Variants in OARD1 observed in about 807,000 individuals in gnomAD.
OARD1 encodes ADP-ribose glycohydrolase OARD1.
A neutral mutation model predicts 19.7 loss-of-function variants in OARD1; 19 were observed. The ratio of observed to expected loss-of-function variants is 0.96; its 90% CI spans 0.67 to 1.41. OARD1 has a LOEUF of 1.41. Ranked by LOEUF, OARD1 falls within the 40% of genes most tolerant of loss-of-function variation. The pLI is 0.00. For missense variants in OARD1, 190 were observed against 183.8 expected, an observed-to-expected ratio of 1.03 and a Z score of -0.20; for synonymous variants, 70 against 61.8, an observed-to-expected ratio of 1.13 and a Z score of -0.62.
intron 1 of OARD1, 63 bp from the exon 2 acceptor site, chr6:41,071,738 C>T: frequency 2.2e-6 from 2 of 895,270 alleles, no homozygotes; most frequent in Non-Finnish European, 3.7e-6. Flanking sequence ...ATTCTGATTG[C>T]CCTGTACAAC....
chr6:41,086,376 T>A (rs908707554), intron 1 of OARD1, among the ~76,000 whole-genome samples: 1 of 152,232 alleles, frequency 6.6e-6, no homozygotes, highest in Non-Finnish European at 1.5e-5. Context: ...ATAAGGAACC[T>A]TCAAATAGTT....
rs1425270583 is a variant in OARD1 at position 41,065,575 on chromosome 6, A to C, written c.*1760T>G. 6.6e-6 allele frequency: 1 copy of C among 152,218 alleles called. No homozygotes were observed. Among genetic ancestry groups the C allele is most frequent in the African/African-American group, 2.4e-5 (1 of 41,466 alleles). 9.4% of individuals were successfully genotyped at this position (152,218 alleles called of 1,614,324 possible). Reference sequence around the variant, plus strand: ...TTTATGTGGACAAAAGCAATGCTTCAAGAAAAGCCTCAATCTAAAAGTTTG... The same window carrying C: ...TTTATGTGGACAAAAGCAATGCTTCCAGAAAAGCCTCAATCTAAAAGTTTG... On this transcript the variant is annotated 3_prime_UTR_variant, in exon 6 of 6. Transcript: ENST00000424266.
In OARD1 at chr6:41,071,254, A is replaced by G. The variant is rs1157777448; in HGVS notation, c.62T>C (p.Leu21Pro). The stretch of plus-strand genomic sequence containing the variant: ...AGAGTCTGTTTTCGGGCATGCAAAA[A>G]GGTCTCCTTTCACATAAGTGATCTA... Reference protein sequence around the residue: ...GSRITYVKGDLFACPKTDSLA... With the variant: ...GSRITYVKGDPFACPKTDSLA... The change falls in exon 3 of 6, where the codon CTT becomes CCT. Residue 21 changes from leucine (L) to proline (P), a missense_variant. By Grantham distance (98) the Leu-to-Pro change is moderately conservative. Transcript: ENST00000424266. The G allele has an allele frequency of 1.2e-6, 2 of 1,614,178 alleles. No homozygotes were observed. The highest frequency in any genetic ancestry group is 2.2e-5 in the South Asian group (2 of 91,076).
intron 1 of OARD1, chr6:41,094,501 G>C (rs1381389598): frequency 6.2e-7 from 1 of 1,607,388 alleles, no homozygotes; most frequent in Non-Finnish European, 8.5e-7. Flanking sequence ...TATGCAGGTA[G>C]GAAGACATAT....
At chr6:41,094,821 C>A (rs1764302839) in intron 1 of OARD1, among the ~76,000 whole-genome samples, 1 of 152,180 alleles carries the variant, frequency 6.6e-6, no homozygotes, top group African/African-American at 2.4e-5. Flanking sequence ...TGCCTGTAGT[C>A]CCAGCTACTT....
intron 3 of OARD1, chr6:41,070,781 G>A: frequency 2.0e-6 from 1 of 489,140 alleles, no homozygotes; most frequent in Admixed American, 3.9e-5. Flanking sequence ...GGTCTGTAAG[G>A]AAGAAGAGGT....
chr6:41,071,053 A>G (rs1435526742), intron 3 of OARD1, 79 bp downstream of exon 3: 1 of 1,390,044 alleles, frequency 7.2e-7, no homozygotes, highest in African/African-American at 1.4e-5. Context: ...CCCTCTTTAC[A>G]CGCATATTTT....
chr6:41,097,228 G>A lies in OARD1; in HGVS notation c.-42+485C>T, dbSNP rs2113827636. On this transcript the variant is annotated intron_variant, in intron 1 of 4. Transcript: ENST00000480585. ...CTTTAAGCCATGTATGCAGACTTAA[G>A]ATGTATTACAAGCCTTTGATTTACT... is the stretch of plus-strand genomic sequence containing the variant. 1.2e-5 allele frequency: 9 copies of A among 775,846 alleles called. No individual in the cohort carries two copies. In the South Asian group the frequency reaches 1.4e-4, roughly 12 times the overall value. 48.1% of individuals were successfully genotyped at this position (775,846 alleles called of 1,614,324 possible).
Position 41,066,510 on chromosome 6 carries a change from T to C in OARD1, c.*825A>G, listed in dbSNP as rs182810319. The C allele has an allele frequency of 4.6e-5, 7 of 152,330 alleles. No homozygotes were observed. In the East Asian group the frequency reaches 1.4e-3, roughly 29 times the overall value. The allele number at this position is 152,330 out of a possible 1,614,324, so 9.4% of individuals were successfully genotyped here. ...GATTTATTGGGTCACTAGTCTGTGC[T>C]AAGTACTCTGCCAGGCATTTAACAT... On this transcript the variant is annotated 3_prime_UTR_variant, in exon 6 of 6. Transcript: ENST00000424266.
At chr6:41,079,378 A>G (rs1049892735) in intron 1 of OARD1, among the ~76,000 whole-genome samples, 10 of 152,166 alleles carry the variant, frequency 6.6e-5, no homozygotes, top group Admixed American at 4.6e-4. Context: ...TGCCTCTTTT[A>G]TCTCATTTTA....
chr6:41,097,416 C>G, intron 1 of OARD1: 1 of 1,613,740 alleles, frequency 6.2e-7, no homozygotes, highest in East Asian at 2.2e-5. Flanking sequence ...CCTAACCCCA[C>G]GCCATGTGAT....
At position 41,071,683 on chromosome 6, in the gene OARD1, A is replaced by G; in HGVS notation, c.-41-8T>C. 1 of 1,528,890 alleles carries G rather than the reference A, an allele frequency of 6.5e-7. No individual in the cohort carries two copies. Among genetic ancestry groups the G allele is most frequent in the Non-Finnish European group, 9.1e-7 (1 of 1,102,238 alleles). The allele number at this position is 1,528,890 out of a possible 1,614,324, so 94.7% of individuals were successfully genotyped here. A position where few individuals can be genotyped will look rare whatever the true frequency, so the allele number is the denominator to read the frequency against. ...ATTTAAGTGTTTCTTCAGCTATGAGAAGGGAAAAGGAAGTAAAAATGCTTA... is the reference window on the plus strand; with the variant it reads ...ATTTAAGTGTTTCTTCAGCTATGAGGAGGGAAAAGGAAGTAAAAATGCTTA... On this transcript the variant is annotated splice_region_variant and splice_polypyrimidine_tract_variant and intron_variant, in intron 1 of 5. Transcript: ENST00000424266.
chr6:41,085,494 AC>A (rs1582028499), intron 1 of OARD1, among the ~76,000 whole-genome samples: 1 of 151,962 alleles, frequency 6.6e-6, no homozygotes, highest in South Asian at 2.1e-4. Flanking sequence ...TTCATAACCA[AC>A]CCCCCATGAG....
chr6:41,089,594 C>G, intron 1 of OARD1: 1 of 1,612,316 alleles, frequency 6.2e-7, no homozygotes, highest in Non-Finnish European at 8.5e-7. Context: ...GTTGGTCCCA[C>G]CTGGACAGAT....
intron 1 of OARD1, among the ~76,000 whole-genome samples, chr6:41,096,144 AT>A (rs1408234431): frequency 6.6e-6 from 1 of 152,130 alleles, no homozygotes; most frequent in African/African-American, 2.4e-5. Context: ...AATAGTTCTC[AT>A]TTCTTAACTG....
chr6:41,064,904 GTCTC>G lies in OARD1; in HGVS notation c.*2427_*2430del, dbSNP rs1384263494. The G allele has an allele frequency of 7.2e-5, 11 of 151,904 alleles. No individual in the cohort carries two copies. The highest frequency in any genetic ancestry group is 2.1e-4 in the South Asian group (1 of 4,832). 9.4% of individuals were successfully genotyped at this position (151,904 alleles called of 1,614,324 possible). A position where few individuals can be genotyped will look rare whatever the true frequency, so the allele number is the denominator to read the frequency against. ...GATGGTAATGGCAGGATGATGTCAA[GTCTC>G]TCTTTTTTTTTTTTTAAAGGTTTGT... On this transcript the variant is annotated 3_prime_UTR_variant, in exon 6 of 6. Coordinates refer to ENST00000424266, the MANE Select transcript of OARD1 (RefSeq NM_001329686.2).
chr6:41,070,454 GT>G (rs375949983), intron 3 of OARD1, among the ~76,000 whole-genome samples: 1 of 152,086 alleles, frequency 6.6e-6, no homozygotes, highest in Non-Finnish European at 1.5e-5. Context: ...ATAGTGTGTA[GT>G]TTTTTACTTG....
intron 1 of OARD1, among the ~76,000 whole-genome samples, chr6:41,081,592 C>T (rs1045172577): frequency 2.0e-5 from 3 of 152,122 alleles, no homozygotes; most frequent in Admixed American, 1.3e-4. Flanking sequence ...GAAATATATA[C>T]ATATACAGAC....
intron 1 of OARD1, among the ~76,000 whole-genome samples, chr6:41,082,546 T>G (rs1763938610): frequency 6.6e-6 from 1 of 152,212 alleles, no homozygotes; most frequent in African/African-American, 2.4e-5. Context: ...AGATGATGAA[T>G]AGATAGAAAA....
Sources: gnomAD v4.1 joint callset for allele counts (sites outside exome capture counted in the v4.1 genomes callset) on GRCh38, gnomAD v4.1.1 for gene constraint, MANE v1.5 for transcripts, NCBI Gene and HGNC (gene_info 2026-07-23, HGNC 2026-07-21) for gene names.